Variants in ADAMTSL1 observed in about 807,000 individuals in gnomAD.
ADAMTSL1 encodes ADAMTS-like protein 1.
In ADAMTSL1, 126 loss-of-function variants were observed where a neutral mutation model predicts 201.8. The observed-to-expected ratio is 0.62, with a 90% CI of 0.54 to 0.72. ADAMTSL1 has a LOEUF of 0.72. Among genes scored for constraint, ADAMTSL1 ranks in the 30% least tolerant of loss-of-function variants. The pLI, the probability that ADAMTSL1 is intolerant of heterozygous loss-of-function variation, is 0.00. For synonymous variants in ADAMTSL1, 1,121 were observed against 903.4 expected, an observed-to-expected ratio of 1.24 and a Z score of -4.32; for missense variants, 2,679 against 2,277.8, an observed-to-expected ratio of 1.18 and a Z score of -3.59.
chr9:18,474,126 G>T (rs908304194), upstream of ADAMTSL1: 1 of 956,916 alleles, frequency 1.0e-6, no homozygotes, highest in Non-Finnish European at 1.6e-6. Flanking sequence ...GATGGAAGCT[G>T]ATAGGCAGGA....
intron 4 of ADAMTSL1, among the ~76,000 whole-genome samples, chr9:18,614,282 G>A (rs939556995): frequency 1.1e-4 from 17 of 152,058 alleles, no homozygotes; most frequent in African/African-American, 2.4e-4. Flanking sequence ...CTCGTTCTGC[G>A]TGTCTCTTCA....
rs112320922 is a variant in ADAMTSL1 at position 17,980,380 on chromosome 9, G to T, written c.87+73458G>T. 1.2e-3 allele frequency among the ~76,000 whole-genome samples: 176 copies of T among 151,694 alleles called. 1 individual carries two copies. The highest frequency in any genetic ancestry group is 1.4e-3 in the Non-Finnish European group (95 of 67,890). Reference sequence around the variant, plus strand: ...TTTTTGCCTCCTGTGTCACATTTTGGTCTGTTTTTTTTTCTTTTTCTATCT... The same window carrying T: ...TTTTTGCCTCCTGTGTCACATTTTGTTCTGTTTTTTTTTCTTTTTCTATCT... On this transcript the variant is annotated intron_variant, in intron 1 of 29. Transcript: ENST00000680146.
At chr9:18,714,352 G>C (rs1205404473) in intron 14 of ADAMTSL1, among the ~76,000 whole-genome samples, 1 of 151,724 alleles carries the variant, frequency 6.6e-6, no homozygotes, top group African/African-American at 2.4e-5. Flanking sequence ...TAGACCGCTA[G>C]CAAGACTAAT....
At chr9:17,948,629 A>G (rs1442319914) in intron 1 of ADAMTSL1, among the ~76,000 whole-genome samples, 1 of 152,136 alleles carries the variant, frequency 6.6e-6, no homozygotes, top group Non-Finnish European at 1.5e-5. Flanking sequence ...TGTTACAGTG[A>G]TATCTTTGTT....
chr9:17,946,723 A>G (rs1827503454), intron 1 of ADAMTSL1, among the ~76,000 whole-genome samples: 1 of 152,176 alleles, frequency 6.6e-6, no homozygotes, highest in African/African-American at 2.4e-5. Context: ...AGGAGCTCTC[A>G]CCATTGAATT....
intron 2 of ADAMTSL1, among the ~76,000 whole-genome samples, chr9:18,176,931 G>T (rs1339780843): frequency 2.6e-5 from 4 of 152,186 alleles, no homozygotes; most frequent in African/African-American, 9.7e-5. Flanking sequence ...CTTAAACTCA[G>T]TTACATATGA....
chr9:18,713,514 A>AAT (rs1371806744), intron 14 of ADAMTSL1, among the ~76,000 whole-genome samples: 1 of 152,108 alleles, frequency 6.6e-6, no homozygotes, highest in Non-Finnish European at 1.5e-5. Flanking sequence ...GCCATTACAT[A>AAT]ATAGTAAAGG....
chr9:18,126,012 C>A (rs555373195), intron 1 of ADAMTSL1, among the ~76,000 whole-genome samples: 1 of 152,062 alleles, frequency 6.6e-6, no homozygotes, highest in Non-Finnish European at 1.5e-5. Flanking sequence ...CAGTAGGAAC[C>A]CTGCCTGACG....
At chr9:18,206,712 T>C (rs1315194541) in intron 2 of ADAMTSL1, among the ~76,000 whole-genome samples, 3 of 152,204 alleles carry the variant, frequency 2.0e-5, no homozygotes, top group Admixed American at 6.5e-5. Context: ...TTTGAGAATA[T>C]GAATTCCTTA....
intron 1 of ADAMTSL1, among the ~76,000 whole-genome samples, chr9:18,103,206 T>C (rs554518772): frequency 7.9e-5 from 12 of 152,204 alleles, no homozygotes; most frequent in Non-Finnish European, 2.9e-5. Flanking sequence ...AAACACATTT[T>C]TTTTTCATTG....
At chr9:18,190,210 C>G (rs1238389194) in intron 2 of ADAMTSL1, among the ~76,000 whole-genome samples, 3 of 152,180 alleles carry the variant, frequency 2.0e-5, no homozygotes, top group African/African-American at 7.2e-5. Flanking sequence ...TCAGCTTTTG[C>G]TTTCAAATTC....
intron 1 of ADAMTSL1, among the ~76,000 whole-genome samples, chr9:18,060,730 CT>C (rs1199527612): frequency 6.6e-6 from 1 of 152,134 alleles, no homozygotes; most frequent in Non-Finnish European, 1.5e-5. Context: ...CTATCCTGAA[CT>C]TTTAGAAATT....
At chr9:17,992,485 C>T (rs964274051) in intron 1 of ADAMTSL1, among the ~76,000 whole-genome samples, 2 of 152,116 alleles carry the variant, frequency 1.3e-5, no homozygotes, top group Admixed American at 1.3e-4. Flanking sequence ...AATGCTTGTA[C>T]TTGGTCCCTT....
intron 7 of ADAMTSL1, among the ~76,000 whole-genome samples, chr9:18,646,803 G>C (rs968493482): frequency 1.3e-5 from 2 of 152,048 alleles, no homozygotes; most frequent in Non-Finnish European, 2.9e-5. Context: ...GTATTTTATT[G>C]AGGATTTTTG....
intron 1 of ADAMTSL1, among the ~76,000 whole-genome samples, chr9:17,968,437 T>C (rs138582440): frequency 6.6e-6 from 1 of 152,230 alleles, no homozygotes; most frequent in East Asian, 1.9e-4. Context: ...CCCAATTATC[T>C]GGTTAGTTCA....
chr9:18,415,239 C>A (rs1818622880), intron 2 of ADAMTSL1, among the ~76,000 whole-genome samples: 6 of 152,152 alleles, frequency 3.9e-5, no homozygotes, highest in Admixed American at 3.9e-4. Flanking sequence ...ATCAACCCAT[C>A]ACAACCACCC....
At chr9:18,357,392 C>T (rs1401980794) in intron 2 of ADAMTSL1, among the ~76,000 whole-genome samples, 1 of 152,142 alleles carries the variant, frequency 6.6e-6, no homozygotes, top group Non-Finnish European at 1.5e-5. Flanking sequence ...TTCCGTTTCA[C>T]TTCAGCAGAA....
At position 18,771,451 on chromosome 9, in the gene ADAMTSL1, T is replaced by C. The variant is rs182994999; in HGVS notation, c.2397+670T>C. ...AATAATGCCTCTCCTAATTCTAGCG[T>C]ACGCCAATTCATTTACACCTAGCTT... On this transcript the variant is annotated intron_variant, in intron 17 of 28. Coordinates refer to ENST00000380548, the MANE Select transcript of ADAMTSL1 (RefSeq NM_001040272.6). Among the ~76,000 whole-genome samples the C allele has an allele frequency of 1.6e-3, 249 of 152,344 alleles. 1 individual carries two copies. The highest frequency in any genetic ancestry group is 5.8e-3 in the African/African-American group (242 of 41,580).
intron 20 of ADAMTSL1, among the ~76,000 whole-genome samples, chr9:18,799,245 A>G (rs1200638367): frequency 6.6e-6 from 1 of 152,196 alleles, no homozygotes; most frequent in Non-Finnish European, 1.5e-5. Flanking sequence ...CATACCTAAC[A>G]CTTTGAAGTA....
Sources: gnomAD v4.1 joint callset for allele counts (sites outside exome capture counted in the v4.1 genomes callset) on GRCh38, gnomAD v4.1.1 for gene constraint, MANE v1.5 for transcripts, NCBI Gene and HGNC (gene_info 2026-07-23, HGNC 2026-07-21) for gene names.